PDE4D: variants seen among roughly 807,000 people sequenced by gnomAD.
PDE4D encodes the protein 3',5'-cyclic-AMP phosphodiesterase 4D.
In PDE4D, 24 loss-of-function variants were observed where a neutral mutation model predicts 87.4. The observed-to-expected ratio is 0.27, with a 90% CI of 0.20 to 0.39. The LOEUF is 0.39. Among genes scored for constraint, PDE4D ranks in the 10% least tolerant of loss-of-function variants. The pLI is 1.00. For synonymous variants in PDE4D, 384 were observed against 383.2 expected, an observed-to-expected ratio of 1.00 and a Z score of -0.02; for missense variants, 714 against 1,041.0, an observed-to-expected ratio of 0.69 and a Z score of 4.32.
chr5:59,966,790 G>A (rs557931765), intron 3 of PDE4D, among the ~76,000 whole-genome samples: 39 of 152,290 alleles, frequency 2.6e-4, no homozygotes, highest in African/African-American at 9.1e-4. Context: ...TTAGTGTTAT[G>A]TGACAATACA....
intron 1 of PDE4D, among the ~76,000 whole-genome samples, chr5:59,882,568 T>C (rs1406614980): frequency 2.6e-5 from 4 of 152,142 alleles, no homozygotes; most frequent in Admixed American, 6.5e-5. Flanking sequence ...AACATCAACC[T>C]CATTTTTGGT....
At chr5:59,992,989 G>A (rs1763162910) in intron 2 of PDE4D, among the ~76,000 whole-genome samples, 1 of 152,152 alleles carries the variant, frequency 6.6e-6, no homozygotes. Context: ...GGAGAGAGAT[G>A]TAAAACTAAT....
intron 1 of PDE4D, among the ~76,000 whole-genome samples, chr5:59,730,000 C>T (rs1009895210): frequency 1.3e-5 from 2 of 152,036 alleles, no homozygotes; most frequent in Admixed American, 6.6e-5. Flanking sequence ...AATCCTTCAT[C>T]GCTACACTCC....
intron 2 of PDE4D, among the ~76,000 whole-genome samples, chr5:59,200,968 G>A (rs1204565477): frequency 6.6e-6 from 1 of 151,916 alleles, no homozygotes; most frequent in Non-Finnish European, 1.5e-5. Flanking sequence ...AAACATTAAT[G>A]AACCATAAAA....
chr5:59,093,798 A>G (rs1330171426), intron 5 of PDE4D, among the ~76,000 whole-genome samples: 1 of 152,226 alleles, frequency 6.6e-6, no homozygotes, highest in Non-Finnish European at 1.5e-5. Flanking sequence ...GAGAAACTAG[A>G]AGAAGCAAAC....
At chr5:59,094,042 A>AC (rs1178528942) in intron 5 of PDE4D, among the ~76,000 whole-genome samples, 1 of 151,890 alleles carries the variant, frequency 6.6e-6, no homozygotes, top group Non-Finnish European at 1.5e-5. Context: ...ACATGGTGAA[A>AC]CCCCATCTCT....
intron 2 of PDE4D, among the ~76,000 whole-genome samples, chr5:60,057,978 A>T (rs1178612049): frequency 2.0e-5 from 3 of 151,970 alleles, no homozygotes; most frequent in African/African-American, 7.2e-5. Context: ...GGAAAGATAG[A>T]TTCTCTAAAT....
At chr5:59,026,740 T>C (rs1241453887) in intron 6 of PDE4D, among the ~76,000 whole-genome samples, 1 of 152,148 alleles carries the variant, frequency 6.6e-6, no homozygotes, top group African/African-American at 2.4e-5. Context: ...AAAAAGGCTT[T>C]ATAAAGGATG....
At chr5:59,001,574 C>A (rs1750544873) in intron 6 of PDE4D, among the ~76,000 whole-genome samples, 1 of 152,204 alleles carries the variant, frequency 6.6e-6, no homozygotes, top group African/African-American at 2.4e-5. Context: ...TTTCTCTGGT[C>A]TCCCTACTTC....
intron 1 of PDE4D, among the ~76,000 whole-genome samples, chr5:59,800,448 A>G (rs1766989014): frequency 2.0e-5 from 3 of 152,194 alleles, no homozygotes. Context: ...AATTACCCTT[A>G]AAACTTAGAT....
intron 1 of PDE4D, among the ~76,000 whole-genome samples, chr5:59,650,802 C>G (rs1457825152): frequency 6.6e-6 from 1 of 151,976 alleles, no homozygotes; most frequent in Admixed American, 6.6e-5. Flanking sequence ...ACTCACTTCT[C>G]CATAATTTGA....
intron 6 of PDE4D, among the ~76,000 whole-genome samples, chr5:59,019,656 C>A (rs951655642): frequency 3.3e-5 from 5 of 152,178 alleles, no homozygotes; most frequent in African/African-American, 1.2e-4. Context: ...AATACCACCT[C>A]TTCCCTATTA....
intron 2 of PDE4D, among the ~76,000 whole-genome samples, chr5:60,170,219 T>C (rs939472634): frequency 6.6e-6 from 1 of 152,042 alleles, no homozygotes; most frequent in Non-Finnish European, 1.5e-5. Flanking sequence ...TTTAACGTGC[T>C]TTGTCTCACT....
intron 1 of PDE4D, among the ~76,000 whole-genome samples, chr5:59,656,633 A>T (rs1050591410): frequency 6.6e-6 from 1 of 152,168 alleles, no homozygotes; most frequent in Non-Finnish European, 1.5e-5. Context: ...CCCCTTAGCC[A>T]TATTGTCACC....
chr5:59,676,662 T>G (rs1748138825), intron 1 of PDE4D, among the ~76,000 whole-genome samples: 2 of 152,178 alleles, frequency 1.3e-5, no homozygotes, highest in Non-Finnish European at 2.9e-5. Flanking sequence ...ACATATATTT[T>G]TAGATATTTT....
intron 2 of PDE4D, among the ~76,000 whole-genome samples, chr5:60,046,180 T>A (rs1219008559): frequency 2.0e-5 from 3 of 152,206 alleles, no homozygotes; most frequent in Non-Finnish European, 2.9e-5. Flanking sequence ...CTGTTGTTGG[T>A]GTATAAGAAC....
rs75389929 is a variant in PDE4D at position 60,428,133 on chromosome 5, G to A, written c.-90+59809C>T. 8.8e-3 allele frequency among the ~76,000 whole-genome samples: 1,342 copies of A among 152,186 alleles called. 15 individuals carry two copies. The highest frequency in any genetic ancestry group is 0.03 in the African/African-American group (1,263 of 41,524). On this transcript the variant is annotated intron_variant, in intron 1 of 16. Coordinates refer to the PDE4D transcript ENST00000502484. ...ACTAAATTGAAATAAAATGTTGTAAGTTTACTACATTTGTCAAATGTTAAG... is the reference window on the plus strand; with the variant it reads ...ACTAAATTGAAATAAAATGTTGTAAATTTACTACATTTGTCAAATGTTAAG...
At chr5:59,339,761 T>C (rs1778387140) in intron 1 of PDE4D, among the ~76,000 whole-genome samples, 1 of 152,154 alleles carries the variant, frequency 6.6e-6, no homozygotes, top group Non-Finnish European at 1.5e-5. Flanking sequence ...TAAATGTTGG[T>C]GTCTTAGCCT....
intron 1 of PDE4D, among the ~76,000 whole-genome samples, chr5:59,395,953 G>A (rs1483186968): frequency 1.3e-4 from 16 of 119,770 alleles, no homozygotes; most frequent in African/African-American, 5.1e-4. Flanking sequence ...CTCAGGAGCT[G>A]ATGCGATCAA....
Sources: allele counts gnomAD v4.1 joint callset (sites outside exome capture counted in the v4.1 genomes callset), GRCh38; gene constraint gnomAD v4.1.1; transcripts MANE v1.5; gene names NCBI Gene and HGNC (gene_info 2026-07-23, HGNC 2026-07-21).